Variants in RBL2 observed in about 807,000 individuals in gnomAD.
The protein encoded by RBL2 is retinoblastoma-like protein 2.
Under a neutral mutation model 126.0 loss-of-function variants are expected in RBL2, and 56 were observed. The ratio of observed to expected loss-of-function variants is 0.44; its 90% CI spans 0.36 to 0.56. RBL2 has a LOEUF of 0.56. Among genes scored for constraint, RBL2 ranks in the 20% least tolerant of loss-of-function variants. The pLI, the probability that RBL2 is intolerant of heterozygous loss-of-function variation, is 0.00. For synonymous variants in RBL2, 454 were observed against 478.5 expected, an observed-to-expected ratio of 0.95 and a Z score of 0.67; for missense variants, 1,229 against 1,398.2, an observed-to-expected ratio of 0.88 and a Z score of 1.93.
chr16:53,478,545 C>CTTT (rs71143989), intron 17 of RBL2, among the ~76,000 whole-genome samples: 19,448 of 128,582 alleles, frequency 0.15, 1,581 homozygotes, highest in South Asian at 0.21. Context: ...TTTGCTAATC[C>CTTT]TTTTTTTTTT....
At chr16:53,458,812 G>A (rs762976060) in intron 8 of RBL2, among the ~76,000 whole-genome samples, 14 of 152,274 alleles carry the variant, frequency 9.2e-5, no homozygotes, top group East Asian at 3.9e-4. Context: ...CTCGCGAGAC[G>A]TATTCACTAT....
Position 53,442,644 on chromosome 16 carries a change from G to A in RBL2, c.372-14G>A, listed in dbSNP as rs1216535195. ...ATGTTAATTATGAAATATCTTGTTT[G>A]TCTTTAATACCAGCTTAATCGAATT... On this transcript the variant is annotated splice_polypyrimidine_tract_variant and intron_variant, in intron 2 of 21. Coordinates refer to ENST00000262133, the MANE Select transcript of RBL2 (RefSeq NM_005611.4). 3 of 1,586,070 alleles carry A rather than the reference G, an allele frequency of 1.9e-6. No individual in the cohort carries two copies. Among genetic ancestry groups the A allele is most frequent in the Non-Finnish European group, 8.6e-7 (1 of 1,158,832 alleles).
intron 5 of RBL2, among the ~76,000 whole-genome samples, chr16:53,453,085 AAC>A (rs2058130921): frequency 6.6e-6 from 1 of 152,162 alleles, no homozygotes; most frequent in African/African-American, 2.4e-5. Flanking sequence ...ATAATATCTG[AAC>A]AGTGTAATTT....
chr16:53,479,037 T>G, intron 17 of RBL2, 117 bp from the exon 18 acceptor site: 2 of 779,394 alleles, frequency 2.6e-6, no homozygotes, highest in East Asian at 4.9e-5. Context: ...TTCCAGAGAC[T>G]TTAAATAGCT....
chr16:53,483,657 G>A (rs1238292337), intron 21 of RBL2, among the ~76,000 whole-genome samples: 2 of 152,140 alleles, frequency 1.3e-5, no homozygotes, highest in Non-Finnish European at 2.9e-5. Context: ...TTGGGAGGCC[G>A]AGATGGGTGG....
At chr16:53,437,887 C>T (rs552160166) in intron 1 of RBL2, among the ~76,000 whole-genome samples, 9 of 151,684 alleles carry the variant, frequency 5.9e-5, no homozygotes, top group Non-Finnish European at 8.8e-5. Flanking sequence ...ATTAGCTGAG[C>T]GTGGTGGTGG....
Position 53,457,962 on chromosome 16 carries a change from A to G in RBL2, c.1180-1489A>G, listed in dbSNP as rs116846833. Among the ~76,000 whole-genome samples the G allele has an allele frequency of 5.3e-3, 813 of 152,270 alleles. 8 individuals carry two copies. The highest frequency in any genetic ancestry group is 8.6e-3 in the Non-Finnish European group (585 of 68,026). On this transcript the variant is annotated intron_variant, in intron 8 of 21. Coordinates refer to ENST00000262133, the MANE Select transcript of RBL2 (RefSeq NM_005611.4). ...TGTTTTTCCCTCCCAGTGCCTCCCA[A>G]TGTAGGCATCGGTTCATGCACAGTG...
chr16:53,475,835 C>CTTTTTT (rs10540773), intron 17 of RBL2, among the ~76,000 whole-genome samples: 4 of 76,424 alleles, frequency 5.2e-5, no homozygotes, highest in African/African-American at 1.3e-4. Flanking sequence ...ATTTCAATAT[C>CTTTTTT]TTTTTTTTTT....
Position 53,446,067 on chromosome 16 carries a change from G to A in RBL2, c.573-975G>A, listed in dbSNP as rs969615973. On this transcript the variant is annotated intron_variant, in intron 3 of 21. Coordinates refer to ENST00000262133, the MANE Select transcript of RBL2 (RefSeq NM_005611.4). ...AAAGCAGTAAAGCAAGAAGAAATGT[G>A]GGAGGTTAGTCAAGTTTTTTTTTCT... 4.6e-5 allele frequency: 7 copies of A among 152,158 alleles called. 1 individual carries two copies. The highest frequency in any genetic ancestry group is 1.0e-4 in the Non-Finnish European group (7 of 68,028). The allele number at this position is 152,158 out of a possible 1,614,324, so 9.4% of individuals were successfully genotyped here.
chr16:53,437,942 G>T (rs980362441), intron 1 of RBL2, among the ~76,000 whole-genome samples: 1 of 152,056 alleles, frequency 6.6e-6, no homozygotes, highest in Non-Finnish European at 1.5e-5. Context: ...CAGGAGAATG[G>T]TGTGAACCTG....
intron 3 of RBL2, among the ~76,000 whole-genome samples, chr16:53,446,411 A>G (rs2153139573): frequency 6.6e-6 from 1 of 152,290 alleles, no homozygotes; most frequent in Admixed American, 6.5e-5. Flanking sequence ...TCTTCTGGGC[A>G]CCTTGTTAGA....
At chr16:53,463,002 A>G (rs1292459477) in intron 11 of RBL2, among the ~76,000 whole-genome samples, 1 of 151,964 alleles carries the variant, frequency 6.6e-6, no homozygotes, top group Non-Finnish European at 1.5e-5. Flanking sequence ...CACCATGCCC[A>G]GCTCATTTTT....
intron 17 of RBL2, among the ~76,000 whole-genome samples, chr16:53,475,411 T>C (rs1960688825): frequency 6.6e-6 from 1 of 152,136 alleles, no homozygotes; most frequent in Non-Finnish European, 1.5e-5. Flanking sequence ...AGATGGAATT[T>C]CCCCATGTTG....
chr16:53,459,658 G>T, intron 9 of RBL2, 41 bp downstream of exon 9: 1 of 1,484,656 alleles, frequency 6.7e-7, no homozygotes, highest in South Asian at 1.4e-5. Context: ...TTTGGTTATT[G>T]ACCATTTTCC....
chr16:53,467,849 T>C (rs969008498), intron 14 of RBL2, among the ~76,000 whole-genome samples: 1 of 152,250 alleles, frequency 6.6e-6, no homozygotes, highest in Non-Finnish European at 1.5e-5. Flanking sequence ...ATATTACTTT[T>C]AAAATCAGAA....
rs1426182864 is a variant in RBL2 at position 53,464,371 on chromosome 16, T to A, written c.1698+8T>A. On this transcript the variant is annotated splice_region_variant and intron_variant, in intron 12 of 21. Coordinates refer to ENST00000262133, the MANE Select transcript of RBL2 (RefSeq NM_005611.4). ...CTTTATCATTTTTATAAGGTATTTT[T>A]AAAAATATGATACTAATGGGGATAT... 6 of 1,549,466 alleles carry A rather than the reference T, an allele frequency of 3.9e-6. No individual in the cohort carries two copies. In the South Asian group the frequency reaches 5.7e-5, roughly 15 times the overall value.
In RBL2 at chr16:53,461,913, TACTA is replaced by T. The variant is rs1279463932; in HGVS notation, c.1456+69_1456+72del. The T allele has an allele frequency of 6.0e-5, 82 of 1,377,584 alleles. No homozygotes were observed. In the Middle Eastern group the frequency reaches 1.1e-3, roughly 18 times the overall value. 85.3% of individuals were successfully genotyped at this position (1,377,584 alleles called of 1,614,324 possible). On this transcript the variant is annotated intron_variant, in intron 10 of 21. Coordinates refer to ENST00000262133, the MANE Select transcript of RBL2 (RefSeq NM_005611.4). Reference sequence around the variant, plus strand: ...AGTTTAACTAAATGGAGTCATTTCTTACTAACTAAGAAAGATGAGGAAAAGATTT... The same window carrying T: ...AGTTTAACTAAATGGAGTCATTTCTTACTAAGAAAGATGAGGAAAAGATTT...
intron 3 of RBL2, among the ~76,000 whole-genome samples, 164 bp downstream of exon 3, chr16:53,443,022 G>C (rs2058030650): frequency 2.0e-5 from 3 of 151,624 alleles, no homozygotes; most frequent in Admixed American, 2.0e-4. Flanking sequence ...TTTCATTGTG[G>C]GTTAGCCATG....
chr16:53,477,340 T>C (rs772497004), intron 17 of RBL2, among the ~76,000 whole-genome samples: 1 of 150,648 alleles, frequency 6.6e-6, no homozygotes, highest in Non-Finnish European at 1.5e-5. Context: ...TGGTTTCCTT[T>C]CTTTCTTTCT....
Sources: allele counts gnomAD v4.1 joint callset (sites outside exome capture counted in the v4.1 genomes callset), GRCh38; gene constraint gnomAD v4.1.1; transcripts MANE v1.5; gene names NCBI Gene and HGNC (gene_info 2026-07-23, HGNC 2026-07-21).